ARNT: variants seen among roughly 807,000 people sequenced by gnomAD.
ARNT encodes class E basic helix-loop-helix protein 2.
ARNT carries 30 observed loss-of-function variants against 105.0 expected under a neutral mutation model. The observed-to-expected ratio is 0.29, with a 90% CI of 0.21 to 0.39. The LOEUF is 0.39. Ranked by LOEUF, ARNT falls within the 10% of genes least tolerant of loss-of-function variation. The probability of loss-of-function intolerance (pLI) is 1.00; values close to 1 mark genes in which losing one functional copy is unlikely to be tolerated. For synonymous variants in ARNT, 304 were observed against 344.0 expected (o/e 0.88, Z 1.29); for missense variants, 748 against 978.7 (o/e 0.76, Z 3.15).
At chr1:150,813,860 A>C (rs1019583584) in intron 20 of ARNT, among the ~76,000 whole-genome samples, 1 of 152,080 alleles carries the variant, frequency 6.6e-6, no homozygotes, top group African/African-American at 2.4e-5. Context: ...TCCCAACCTC[A>C]AGTGATCCGC....
chr1:150,852,920 G>A, intron 2 of ARNT, 114 bp from the exon 3 acceptor site: 2 of 1,311,370 alleles, frequency 1.5e-6, no homozygotes, highest in South Asian at 1.3e-5. Flanking sequence ...AGAATGGAAA[G>A]AGGAAGTGGC....
intron 4 of ARNT, among the ~76,000 whole-genome samples, chr1:150,845,911 A>T (rs764014521): frequency 6.6e-6 from 1 of 152,192 alleles, no homozygotes; most frequent in African/African-American, 2.4e-5. Flanking sequence ...CAAAATAAAT[A>T]AATTAATTAC....
At chr1:150,845,001 G>T (rs1661936858) in intron 4 of ARNT, among the ~76,000 whole-genome samples, 1 of 151,658 alleles carries the variant, frequency 6.6e-6, no homozygotes, top group Admixed American at 6.6e-5. Context: ...GTAGAGATGG[G>T]GTTTCACCAT....
intron 1 of ARNT, among the ~76,000 whole-genome samples, chr1:150,860,324 T>G (rs1665402221): frequency 1.3e-5 from 2 of 150,048 alleles, no homozygotes; most frequent in African/African-American, 4.9e-5. Context: ...CAAGTGATTC[T>G]CGAGCCTCAG....
At chr1:150,863,463 A>G (rs587771179) in intron 1 of ARNT, among the ~76,000 whole-genome samples, 1 of 152,226 alleles carries the variant, frequency 6.6e-6, no homozygotes, top group South Asian at 2.1e-4. Flanking sequence ...AGAGGAAACT[A>G]AAGGAAATAA....
At chr1:150,814,650 G>A (rs376661985) in intron 19 of ARNT, among the ~76,000 whole-genome samples, 1 of 151,994 alleles carries the variant, frequency 6.6e-6, no homozygotes, top group Non-Finnish European at 1.5e-5. Flanking sequence ...CAGACCAGCC[G>A]GGCCAACATG....
At chr1:150,814,300 A>G in intron 19 of ARNT, 61 bp from the exon 20 acceptor site, 1 of 1,529,116 alleles carries the variant, frequency 6.5e-7, no homozygotes, top group Non-Finnish European at 9.0e-7. Flanking sequence ...TGCACATACC[A>G]TGCCTATGAG....
At chr1:150,874,146 G>C (rs1195402385) in intron 1 of ARNT, among the ~76,000 whole-genome samples, 3 of 151,624 alleles carry the variant, frequency 2.0e-5, no homozygotes, top group African/African-American at 7.3e-5. Flanking sequence ...TGACAGTGTA[G>C]CAAAGAATTC....
At chr1:150,833,183 A>C (rs982573157) in intron 8 of ARNT, among the ~76,000 whole-genome samples, 1 of 152,224 alleles carries the variant, frequency 6.6e-6, no homozygotes, top group Non-Finnish European at 1.5e-5. Context: ...ATTAAAACAA[A>C]ATCCAGCAGT....
rs762949862 is a variant in ARNT, at chr1:150,817,973, T to C, written c.1452A>G (p.Leu484=). The stretch of plus-strand genomic sequence containing the variant: ...CCAGGGGTAAATTAGCTGTGGGACC[T>C]AGTTGTGGCCTCTGGATTGTGTTGG... ...TLSNTIQRPQ[L]GPTANLPLEM... Residue 484 remains leucine (L), a synonymous_variant, in exon 15 of 22, where the codon CTA becomes CTG. Coordinates refer to ENST00000358595, the MANE Select transcript of ARNT (RefSeq NM_001668.4). 1.2e-5 allele frequency: 20 copies of C among 1,613,592 alleles called. No individual in the cohort carries two copies. The highest frequency in any genetic ancestry group is 1.6e-5 in the Non-Finnish European group (19 of 1,179,974).
chr1:150,829,134 CA>C lies in ARNT; in HGVS notation c.1125del (p.Phe375LeufsTer18). ...ACAGTAGCCACACAGCGGTGATCCA[CA>C]AAAGTGAAGATACCCTCAATGTTGT... ...SRHNIEGIFT[F>X]VDHRCVATVG... On this transcript the variant is annotated frameshift_variant, in exon 12 of 22. Coordinates refer to ENST00000358595, the MANE Select transcript of ARNT (RefSeq NM_001668.4). LOFTEE classifies it high-confidence loss of function. 1.2e-6 allele frequency: 2 copies of C among 1,614,144 alleles called. No individual in the cohort carries two copies.
rs773016515 is a variant in ARNT at position 150,819,551 on chromosome 1, A to AT, written c.1395-1522dup. 1.0e-3 allele frequency among the ~76,000 whole-genome samples: 158 copies of AT among 152,250 alleles called. 2 individuals carry two copies. The highest frequency in any genetic ancestry group is 7.3e-4 in the Non-Finnish European group (50 of 68,040). The stretch of plus-strand genomic sequence containing the variant: ...CGAACATACAGACAGTATGTGGTAT[A>AT]TCCATACAATGAAATCTTATTTGGC... On this transcript the variant is annotated intron_variant, in intron 14 of 21. Coordinates refer to ENST00000358595, the MANE Select transcript of ARNT (RefSeq NM_001668.4).
Position 150,817,405 on chromosome 1 carries a change from T to C in ARNT, c.1534A>G (p.Met512Val), listed in dbSNP as rs1656103602. Residue 512 changes from methionine to valine, a missense_variant, in exon 16 of 22, where the codon ATG (methionine) becomes GTG (valine). Physicochemically the swap from Met to Val is conservative, Grantham distance 21. Transcript: ENST00000358595. ...GCCAGTCCATCTCTTCCTGGTACCA[T>C]GTCCAATTCTGTTTGCTGTTGCTGC... ...RQQQQQTELD[M>V]VPGRDGLASY... The C allele has an allele frequency of 3.1e-6, 5 of 1,614,172 alleles. No homozygotes were observed. The highest frequency in any genetic ancestry group is 2.2e-5 in the East Asian group (1 of 44,888).
chr1:150,832,003 G>A lies in ARNT; in HGVS notation c.870-100C>T, dbSNP rs1659438822. 3 of 842,544 alleles carry A rather than the reference G, an allele frequency of 3.6e-6. No individual in the cohort carries two copies. The South Asian group carries it at 4.8e-5, about 13-fold the overall frequency. The allele number at this position is 842,544 out of a possible 1,614,324, so 52.2% of individuals were successfully genotyped here. ...TACTTTTAAGTTTATGCTCTTAGGA[G>A]TTTAGAAAACAGGATAATCATCTTT... is the stretch of plus-strand genomic sequence containing the variant. On this transcript the variant is annotated intron_variant, in intron 9 of 21. Transcript: ENST00000358595.
Position 150,829,241 on chromosome 1 carries a change from G to A in ARNT, c.1033-14C>T. 6.2e-7 allele frequency: 1 copy of A among 1,610,092 alleles called. No homozygotes were observed. The highest frequency in any genetic ancestry group is 1.1e-5 in the South Asian group (1 of 90,624). On this transcript the variant is annotated splice_polypyrimidine_tract_variant and intron_variant, in intron 11 of 21. Transcript: ENST00000358595. Reference sequence around the variant, plus strand: ...AGAACTAGTTACCTGAGAGTGAAGAGATAAAAATGAGGTAAAATGATACCA... The same window carrying A: ...AGAACTAGTTACCTGAGAGTGAAGAAATAAAAATGAGGTAAAATGATACCA...
intron 15 of ARNT, 85 bp downstream of exon 15, chr1:150,817,835 A>G: frequency 8.8e-7 from 1 of 1,131,868 alleles, no homozygotes; most frequent in Non-Finnish European, 1.2e-6. Flanking sequence ...AAAAAAATTA[A>G]CCAACCGAAC....
chr1:150,835,682 C>T (rs1660190772), intron 7 of ARNT, among the ~76,000 whole-genome samples: 1 of 152,084 alleles, frequency 6.6e-6, no homozygotes, highest in Non-Finnish European at 1.5e-5. Flanking sequence ...TTTTAACTAC[C>T]AGTTTTTTTA....
intron 1 of ARNT, 67 bp downstream of exon 1, chr1:150,876,476 G>C: frequency 6.5e-7 from 1 of 1,541,970 alleles, no homozygotes; most frequent in Non-Finnish European, 8.7e-7. Flanking sequence ...TCAGCCCTGG[G>C]TCTCCTTAGT....
chr1:150,830,785 G>GT (rs908172289), intron 10 of ARNT, among the ~76,000 whole-genome samples: 3 of 152,010 alleles, frequency 2.0e-5, no homozygotes, highest in African/African-American at 7.3e-5. Context: ...TTTCTCCCCT[G>GT]TTTTTTGCAT....
Sources: gnomAD v4.1 joint callset for allele counts (sites outside exome capture counted in the v4.1 genomes callset) on GRCh38, gnomAD v4.1.1 for gene constraint, MANE v1.5 for transcripts, NCBI Gene and HGNC (gene_info 2026-07-23, HGNC 2026-07-21) for gene names.